STAG2: variants seen among roughly 807,000 people sequenced by gnomAD.
The protein encoded by STAG2 is STAG2 cohesin complex component.
A neutral mutation model predicts 108.1 loss-of-function variants in STAG2; 14 were observed. The observed-to-expected ratio is 0.13, with a 90% confidence interval of 0.09 to 0.20. The LOEUF is 0.20. STAG2 is among the 10% of genes least tolerant of loss of function. The pLI is 1.00. For synonymous variants in STAG2, 307 were observed against 302.7 expected (o/e 1.01, Z -0.15); for missense variants, 440 against 940.9 (o/e 0.47, Z 6.96).
chrX:124,043,718 C>G, intron 7 of STAG2, among the ~76,000 whole-genome samples: 1 of 111,420 alleles, frequency 9.0e-6, no homozygotes, highest in Non-Finnish European at 1.9e-5. Flanking sequence ...TATATAGATA[C>G]TTTTATTGTT....
chrX:124,098,924 A>G (rs1246434189), intron 34 of STAG2, among the ~76,000 whole-genome samples: 1 of 111,905 alleles, frequency 8.9e-6, no homozygotes, highest in Non-Finnish European at 1.9e-5. Flanking sequence ...TACCATTTTG[A>G]TAACAGTTGT....
intron 13 of STAG2, among the ~76,000 whole-genome samples, chrX:124,054,091 G>T (rs1229878740): frequency 1.8e-5 from 2 of 112,091 alleles, no homozygotes; most frequent in Non-Finnish European, 3.8e-5. Flanking sequence ...CATTGTTGAT[G>T]GGAGTATAAA....
intron 1 of STAG2, among the ~76,000 whole-genome samples, chrX:123,977,706 CTAT>C (rs1438468876): frequency 3.6e-5 from 4 of 109,829 alleles, no homozygotes; most frequent in African/African-American, 9.9e-5. Flanking sequence ...GGTGTTGATG[CTAT>C]TATTATTTTC....
At chrX:124,071,510 A>G (rs2058662985) in intron 25 of STAG2, among the ~76,000 whole-genome samples, 187 bp downstream of exon 25, 1 of 111,646 alleles carries the variant, frequency 9.0e-6, no homozygotes, top group Non-Finnish European at 1.9e-5. Context: ...GTTGCAGAGT[A>G]TAGGCTTTCA....
At chrX:124,072,873 C>CT (rs371102884) in intron 25 of STAG2, among the ~76,000 whole-genome samples, 45 of 79,413 alleles carry the variant, frequency 5.7e-4, no homozygotes, top group Non-Finnish European at 8.2e-4. Context: ...GCTAATTTTT[C>CT]TTTTTTTTTT....
At chrX:124,006,306 T>C (rs745913535) in intron 1 of STAG2, among the ~76,000 whole-genome samples, 2 of 111,680 alleles carry the variant, frequency 1.8e-5, no homozygotes, top group South Asian at 7.4e-4. Context: ...CTGGTGGTTA[T>C]GGTAAGTGCA....
chrX:124,086,544 A>G lies in STAG2; in HGVS notation c.3054-3A>G. ...AAGCTAACAGTTTCGATTTCTTTTC[A>G]AGGTATGTTTACTTGGAAAAGTTCA... On this transcript the variant is annotated splice_region_variant and splice_polypyrimidine_tract_variant and intron_variant, in intron 29 of 34. Transcript: ENST00000371145. The G allele has an allele frequency of 8.4e-7, 1 of 1,195,062 alleles. No individual in the cohort carries two copies. Among genetic ancestry groups the G allele is most frequent in the Non-Finnish European group, 1.1e-6 (1 of 881,929 alleles).
At position 124,026,153 on chromosome X, in the gene STAG2, A is replaced by G. The variant is rs1159808536; in HGVS notation, c.123+235A>G. 4.7e-5 allele frequency among the ~76,000 whole-genome samples: 5 copies of G among 105,588 alleles called. No individual in the cohort carries two copies. In the Admixed American group the frequency reaches 5.3e-4, roughly 11 times the overall value. The allele number at this position is 105,588 out of a possible 115,157, so 91.7% of individuals were successfully genotyped here. A position where few individuals can be genotyped will look rare whatever the true frequency, so the allele number is the denominator to read the frequency against. On this transcript the variant is annotated intron_variant, in intron 4 of 34. Transcript: ENST00000371145. ...AAATAATAATAATAATAATAATAAT[A>G]ATAATAATAATAATAATACATTTCC... is the stretch of plus-strand genomic sequence containing the variant.
At chrX:123,994,646 G>A (rs1013463645) in intron 1 of STAG2, among the ~76,000 whole-genome samples, 4 of 111,966 alleles carry the variant, frequency 3.6e-5, no homozygotes, top group African/African-American at 1.3e-4. Context: ...AAGTACAAAG[G>A]AAGGAAATTA....
chrX:124,073,143 A>T (rs1482087229), intron 25 of STAG2, among the ~76,000 whole-genome samples: 3 of 110,292 alleles, frequency 2.7e-5, no homozygotes, highest in African/African-American at 9.9e-5. Flanking sequence ...ACATCTTTTG[A>T]GAAGCTAACA....
intron 34 of STAG2, among the ~76,000 whole-genome samples, chrX:124,097,113 A>C (rs2148518182): frequency 1.1e-5 from 1 of 91,547 alleles, no homozygotes; most frequent in African/African-American, 4.1e-5. Flanking sequence ...CAGGAGGTTG[A>C]GGCTGCAGTG....
At chrX:123,967,612 T>A (rs1249556297) in intron 1 of STAG2, among the ~76,000 whole-genome samples, 1 of 110,823 alleles carries the variant, frequency 9.0e-6, no homozygotes, top group Non-Finnish European at 1.9e-5. Context: ...ACGGCGGGCA[T>A]ACCTTCTGAG....
intron 1 of STAG2, among the ~76,000 whole-genome samples, chrX:123,969,946 C>G (rs2054276009): frequency 2.6e-5 from 2 of 77,143 alleles, no homozygotes; most frequent in Admixed American, 1.6e-4. Context: ...CGCACCCGGT[C>G]TTCCTGTTTT....
At chrX:123,977,399 G>A (rs1279211570) in intron 1 of STAG2, among the ~76,000 whole-genome samples, 1 of 111,565 alleles carries the variant, frequency 9.0e-6, no homozygotes, top group Non-Finnish European at 1.9e-5. Flanking sequence ...TATGATTCCA[G>A]TTTGTGTTTT....
chrX:124,081,193 A>T (rs912083325), intron 27 of STAG2, among the ~76,000 whole-genome samples, 187 bp from the exon 28 acceptor site: 77 of 112,245 alleles, frequency 6.9e-4, no homozygotes, highest in African/African-American at 2.5e-3. Context: ...AATGTTAATA[A>T]AAACCTCCAG....
Position 124,088,913 on chromosome X carries a change from CT to C in STAG2, c.3278-1647del, listed in dbSNP as rs374005762. On this transcript the variant is annotated intron_variant, in intron 30 of 34. Coordinates refer to ENST00000371145, the MANE Select transcript of STAG2 (RefSeq NM_001042750.2). ...ACAGGTGTGAGCCACTGCGCCTGGC[CT>C]TTTTTTTTTTTTTTCTTTTGAGATG... 1.3e-3 allele frequency among the ~76,000 whole-genome samples: 100 copies of C among 78,091 alleles called. 1 individual carries two copies. The highest frequency in any genetic ancestry group is 4.6e-3 in the African/African-American group (96 of 20,714). The allele number at this position is 78,091 out of a possible 115,157, so 67.8% of individuals were successfully genotyped here.
chrX:124,100,012 T>G (rs1338603772), intron 34 of STAG2, among the ~76,000 whole-genome samples: 1 of 111,791 alleles, frequency 8.9e-6, no homozygotes, highest in Non-Finnish European at 1.9e-5. Context: ...ACCTTACCCT[T>G]TTGATTTCTT....
intron 23 of STAG2, 33 bp from the exon 24 acceptor site, chrX:124,068,531 A>G: frequency 9.8e-7 from 1 of 1,019,865 alleles, no homozygotes. Flanking sequence ...TTTATACAAT[A>G]TTTTTTAAAA....
At chrX:124,009,443 G>GTAGATAGATAGATAGATAGA (rs1160208021) in intron 1 of STAG2, among the ~76,000 whole-genome samples, 4 of 63,596 alleles carry the variant, frequency 6.3e-5, no homozygotes, top group Admixed American at 2.0e-4. Context: ...AGGTAGGTAG[G>GTAGATAGATAGATAGATAGA]TAGATAGATA....
Sources: gnomAD v4.1 joint callset for allele counts (sites outside exome capture counted in the v4.1 genomes callset) on GRCh38, gnomAD v4.1.1 for gene constraint, MANE v1.5 for transcripts, NCBI Gene and HGNC (gene_info 2026-07-23, HGNC 2026-07-21) for gene names.